FAM120B: variants seen among roughly 807,000 people sequenced by gnomAD.
The protein encoded by FAM120B is family with sequence similarity 120 member B.
In FAM120B, 83 loss-of-function variants were observed where a neutral mutation model predicts 96.3. The observed-to-expected ratio is 0.86, with a 90% CI of 0.72 to 1.03. FAM120B has a LOEUF of 1.03. Among genes scored for constraint, FAM120B ranks in the 50% least tolerant of loss-of-function variants. The probability of loss-of-function intolerance (pLI) is 0.00; values close to 1 mark genes in which losing one functional copy is unlikely to be tolerated. For missense variants in FAM120B, 1,027 were observed against 1,121.2 expected (o/e 0.92, Z 1.20); for synonymous variants, 407 against 402.7 (o/e 1.01, Z -0.13).
At chr6:170,335,900 G>A (rs1237824746) in intron 4 of FAM120B, among the ~76,000 whole-genome samples, 1 of 152,018 alleles carries the variant, frequency 6.6e-6, no homozygotes, top group African/African-American at 2.4e-5. Context: ...TTTTGATGGG[G>A]TTGTTTTTTT....
At position 170,319,143 on chromosome 6, in the gene FAM120B, C is replaced by A. The variant is rs7774272; in HGVS notation, c.1734+19C>A. The A allele has an allele frequency of 0.099, 150,809 of 1,522,690 alleles. 8,405 individuals carry two copies. Among genetic ancestry groups the A allele is most frequent in the African/African-American group, 0.2 (14,545 of 71,874 alleles). The allele number at this position is 1,522,690 out of a possible 1,614,324, so 94.3% of individuals were successfully genotyped here. On this transcript the variant is annotated intron_variant, in intron 2 of 10. Transcript: ENST00000476287. Reference sequence around the variant, plus strand: ...CTTAAAGGTATGTGTATCTGCCCAGCCAATATGCCATGATTGAAAATATAT... The same window carrying A: ...CTTAAAGGTATGTGTATCTGCCCAGACAATATGCCATGATTGAAAATATAT...
Position 170,404,582 on chromosome 6 carries a change from AG to A in FAM120B, c.2727del (p.Arg909SerfsTer45). The A allele has an allele frequency of 1.9e-6, 3 of 1,613,800 alleles. No homozygotes were observed. The highest frequency in any genetic ancestry group is 2.5e-6 in the Non-Finnish European group (3 of 1,179,684). On this transcript the variant is annotated frameshift_variant, in exon 10 of 11. Transcript: ENST00000476287. LOFTEE classifies it high-confidence loss of function. ...ACAGTATGAGCATGACCAGTGGAGA[AG>A]GTACTAGTCAACCTCCAGGTAAGTT... ...SRQYEHDQWRRY is the reference protein window; with the variant it reads ...SRQYEHDQWRXY
rs764710832 is a variant in FAM120B at position 170,318,299 on chromosome 6, A to G, written c.909A>G (p.Ser303=). The stretch of plus-strand genomic sequence containing the variant: ...CTCTTTTTTATAAAGGAATGGCATC[A>G]TATCTTTTACCAGGACAAAAATCTC... ...NKALFYKGMA[S]YLLPGQKSPW... is the part of the protein sequence containing the mutation. Residue 303 remains serine, a synonymous_variant, in exon 2 of 11, where the codon TCA becomes TCG. Transcript: ENST00000476287. 1.2e-6 allele frequency: 2 copies of G among 1,614,186 alleles called. No individual in the cohort carries two copies. The highest frequency in any genetic ancestry group is 1.7e-6 in the Non-Finnish European group (2 of 1,180,030).
At chr6:170,353,188 C>T (rs994855877) in intron 5 of FAM120B, among the ~76,000 whole-genome samples, 8 of 151,934 alleles carry the variant, frequency 5.3e-5, no homozygotes, top group Non-Finnish European at 1.0e-4. Flanking sequence ...AAATTGAATC[C>T]CTGAATAGAC....
intron 1 of FAM120B, among the ~76,000 whole-genome samples, chr6:170,300,651 A>C (rs1350005612): frequency 5.3e-5 from 8 of 152,228 alleles, no homozygotes; most frequent in African/African-American, 1.2e-4. Flanking sequence ...CAAGTTAGTT[A>C]CTTCCTAGAT....
Position 170,367,666 on chromosome 6 carries a change from G to A in FAM120B, c.2283+9348G>A, listed in dbSNP as rs563944093. Among the ~76,000 whole-genome samples, 18 of 152,384 alleles carry A rather than the reference G, an allele frequency of 1.2e-4. No individual in the cohort carries two copies. In the South Asian group the frequency reaches 3.5e-3, roughly 30 times the overall value. On this transcript the variant is annotated intron_variant, in intron 6 of 10. Transcript: ENST00000476287. ...AGGTCTGCACGCACACACAGTGACAGTAATAACCCCATGCGTGAATGTAGC... is the reference window on the plus strand; with the variant it reads ...AGGTCTGCACGCACACACAGTGACAATAATAACCCCATGCGTGAATGTAGC...
chr6:170,363,708 C>T lies in FAM120B; in HGVS notation c.2283+5390C>T, dbSNP rs533182274. ...TGTGCTGTGATAGTGTGTGCACCAG[C>T]GAAACATGGCATTCCTACAGTGAGA... On this transcript the variant is annotated intron_variant, in intron 6 of 10. Transcript: ENST00000476287. The surrounding 1 kb of genome is among the most constrained non-coding windows in gnomAD (Gnocchi z 4.5). 3.3e-5 allele frequency among the ~76,000 whole-genome samples: 5 copies of T among 152,330 alleles called. No homozygotes were observed. The South Asian group carries it at 6.2e-4, about 19-fold the overall frequency.
At chr6:170,377,007 A>T (rs1789571174) in intron 6 of FAM120B, among the ~76,000 whole-genome samples, 1 of 144,014 alleles carries the variant, frequency 6.9e-6, no homozygotes, top group African/African-American at 2.6e-5. Flanking sequence ...GACGCCTGGG[A>T]GAACACAGGC....
At position 170,334,547 on chromosome 6, in the gene FAM120B, G is replaced by GGTGTGT. The variant is rs10560646; in HGVS notation, c.2017+4019_2017+4024dup. 7.0e-3 allele frequency among the ~76,000 whole-genome samples: 1,052 copies of GGTGTGT among 149,780 alleles called. 16 individuals are homozygous for GGTGTGT. Among genetic ancestry groups the GGTGTGT allele is most frequent in the East Asian group, 0.023 (118 of 5,030 alleles). ...TTTCTGTGAGTGGTAAAAGGAAGCT[G>GGTGTGT]GTGTGTGTGTGTGTGTGTGTGTGTG... On this transcript the variant is annotated intron_variant, in intron 4 of 10. Coordinates refer to ENST00000476287, the MANE Select transcript of FAM120B (RefSeq NM_032448.3).
rs537343839 is a variant in FAM120B at position 170,379,859 on chromosome 6, G to A, written c.2284-8428G>A. On this transcript the variant is annotated intron_variant, in intron 6 of 10. Transcript: ENST00000476287. ...CATCACCTTTTGTGTATGTGTGTGT[G>A]GTAAAAGCACCTAAAGTCTACCCTC... is the stretch of plus-strand genomic sequence containing the variant. 1.5e-4 allele frequency among the ~76,000 whole-genome samples: 23 copies of A among 152,230 alleles called. 1 individual carries two copies. In the South Asian group the frequency reaches 4.8e-3, roughly 32 times the overall value.
chr6:170,291,386 G>A (rs1023800143), upstream of FAM120B, among the ~76,000 whole-genome samples: 1 of 151,878 alleles, frequency 6.6e-6, no homozygotes, highest in East Asian at 1.9e-4. Flanking sequence ...GGCGGCAGCC[G>A]AGGGGTCTCC....
In FAM120B at chr6:170,370,883, A is replaced by G. The variant is rs371629738; in HGVS notation, c.2283+12565A>G. 5.3e-5 allele frequency among the ~76,000 whole-genome samples: 8 copies of G among 152,288 alleles called. No homozygotes were observed. The East Asian group carries it at 1.5e-3, about 29-fold the overall frequency. Reference sequence around the variant, plus strand: ...GAGATACTGCAGTAGAATTTGCAGCACTTGGCCCTGTGTGCAGGCGGGAGT... The same window carrying G: ...GAGATACTGCAGTAGAATTTGCAGCGCTTGGCCCTGTGTGCAGGCGGGAGT... On this transcript the variant is annotated intron_variant, in intron 6 of 10. Coordinates refer to ENST00000476287, the MANE Select transcript of FAM120B (RefSeq NM_032448.3). The surrounding 1 kb of genome is among the most constrained non-coding windows in gnomAD (Gnocchi z 4.3).
chr6:170,294,977 TAAA>T (rs1783963590), upstream of FAM120B, among the ~76,000 whole-genome samples: 2 of 152,102 alleles, frequency 1.3e-5, no homozygotes, highest in East Asian at 1.9e-4. This position sits in a 1 kb window ranked among gnomAD's most constrained non-coding sequence, Gnocchi z 7.9. Flanking sequence ...TTACTTGAAA[TAAA>T]GAAGAAGAAG....
In FAM120B at chr6:170,364,226, G is replaced by A. The variant is rs549622727; in HGVS notation, c.2283+5908G>A. On this transcript the variant is annotated intron_variant, in intron 6 of 10. Transcript: ENST00000476287. Reference sequence around the variant, plus strand: ...GCCCTGAGTCTCCTCCACCTTCTCCGACCTCTTCTCCTTTGAGCCTGCGAT... The same window carrying A: ...GCCCTGAGTCTCCTCCACCTTCTCCAACCTCTTCTCCTTTGAGCCTGCGAT... Among the ~76,000 whole-genome samples, 5 of 152,158 alleles carry A rather than the reference G, an allele frequency of 3.3e-5. 1 individual carries two copies. The highest frequency in any genetic ancestry group is 2.6e-4 in the Admixed American group (4 of 15,280).
At chr6:170,340,341 G>A (rs1426870158) in intron 4 of FAM120B, among the ~76,000 whole-genome samples, 16 of 152,130 alleles carry the variant, frequency 1.1e-4, no homozygotes, top group African/African-American at 2.9e-4. Context: ...CAGCTCCATC[G>A]GGTTATTTAT....
intron 9 of FAM120B, among the ~76,000 whole-genome samples, chr6:170,400,384 C>T (rs1024584139): frequency 6.6e-6 from 1 of 152,114 alleles, no homozygotes; most frequent in Non-Finnish European, 1.5e-5. Context: ...TGGAGTGGGA[C>T]CTGTTTGGTA....
At chr6:170,303,289 G>C (rs550572908), upstream of FAM120B, among the ~76,000 whole-genome samples, 9 of 152,268 alleles carry the variant, frequency 5.9e-5, no homozygotes, top group South Asian at 1.7e-3. Context: ...ACCCAGGCTG[G>C]AGTGTGGTGG....
At chr6:170,333,766 G>A (rs141105564) in intron 4 of FAM120B, among the ~76,000 whole-genome samples, 95 of 151,002 alleles carry the variant, frequency 6.3e-4, no homozygotes, top group African/African-American at 2.1e-3. Flanking sequence ...GATTACAGGC[G>A]TCAGCCACTG....
At position 170,370,578 on chromosome 6, in the gene FAM120B, C is replaced by T. The variant is rs558339369; in HGVS notation, c.2283+12260C>T. 1.3e-4 allele frequency among the ~76,000 whole-genome samples: 20 copies of T among 152,248 alleles called. No homozygotes were observed. The South Asian group carries it at 2.5e-3, about 19-fold the overall frequency. ...CAGAAGCCAGAACTCGGTAATATTA[C>T]CCTCTGATCCTGTACCTGTCATTGT... is the stretch of plus-strand genomic sequence containing the variant. On this transcript the variant is annotated intron_variant, in intron 6 of 10. Coordinates refer to ENST00000476287, the MANE Select transcript of FAM120B (RefSeq NM_032448.3). The surrounding 1 kb of genome is among the most constrained non-coding windows in gnomAD (Gnocchi z 4.3).
Sources: allele counts gnomAD v4.1 joint callset (sites outside exome capture counted in the v4.1 genomes callset), GRCh38; gene constraint gnomAD v4.1.1; non-coding constraint Gnocchi (gnomAD v3.1); transcripts MANE v1.5; gene names NCBI Gene and HGNC (gene_info 2026-07-23, HGNC 2026-07-21).